CTNNA3: variants seen among roughly 807,000 people sequenced by gnomAD.
CTNNA3 encodes catenin alpha-3.
CTNNA3 carries 76 observed loss-of-function variants against 95.7 expected under a neutral mutation model. That is an observed-to-expected ratio of 0.79 (90% confidence interval 0.66 to 0.96). The LOEUF is 0.96. CTNNA3 is among the 40% of genes least tolerant of loss of function. CTNNA3 has a pLI of 0.00. For missense variants in CTNNA3, 1,191 were observed against 1,089.8 expected, an observed-to-expected ratio of 1.09 and a Z score of -1.31; for synonymous variants, 431 against 374.4, an observed-to-expected ratio of 1.15 and a Z score of -1.74.
In CTNNA3 at chr10:66,815,346, G is replaced by A. The variant is rs111462522; in HGVS notation, c.1048-39822C>T. Among the ~76,000 whole-genome samples, 464 of 151,978 alleles carry A rather than the reference G, an allele frequency of 3.1e-3. 2 individuals carry two copies. Among genetic ancestry groups the A allele is most frequent in the Non-Finnish European group, 5.4e-3 (367 of 67,960 alleles). On this transcript the variant is annotated intron_variant, in intron 7 of 17. Coordinates refer to ENST00000433211, the MANE Select transcript of CTNNA3 (RefSeq NM_013266.4). ...CTCCCTTCATCCCCAGTTCTGTGGCGGCCTTGAAAACAAACAATTCACTTC... is the reference window on the plus strand; with the variant it reads ...CTCCCTTCATCCCCAGTTCTGTGGCAGCCTTGAAAACAAACAATTCACTTC...
At position 67,500,734 on chromosome 10, in the gene CTNNA3, G is replaced by A. The variant is rs77183038; in HGVS notation, c.579+21108C>T. On this transcript the variant is annotated intron_variant, in intron 5 of 17. Coordinates refer to ENST00000433211, the MANE Select transcript of CTNNA3 (RefSeq NM_013266.4). ...TTGGTTTAAAGTCGGTTTTATCAGA[G>A]ACTAGGATTGCAAACCCTGCTTTTT... 0.031 allele frequency among the ~76,000 whole-genome samples: 4,755 copies of A among 152,260 alleles called. 415 individuals are homozygous for A. The East Asian group carries it at 0.34, about 11-fold the overall frequency.
chr10:65,991,999 G>T (rs1012777225), intron 15 of CTNNA3, among the ~76,000 whole-genome samples: 2 of 151,994 alleles, frequency 1.3e-5, no homozygotes, highest in Non-Finnish European at 2.9e-5. Context: ...TGAGCCTATT[G>T]AGATGATCAC....
At chr10:67,751,366 G>C (rs1841406283) in intron 1 of CTNNA3, 1 of 613,772 alleles carries the variant, frequency 1.6e-6, no homozygotes, top group South Asian at 1.7e-5. Flanking sequence ...CCAGAATCAA[G>C]GTGCTGTTTT....
At chr10:67,250,204 AG>A (rs999561687) in intron 5 of CTNNA3, among the ~76,000 whole-genome samples, 2 of 151,964 alleles carry the variant, frequency 1.3e-5, no homozygotes, top group Non-Finnish European at 2.9e-5. Context: ...ATGAAATCTA[AG>A]TATACAGAGG....
intron 5 of CTNNA3, among the ~76,000 whole-genome samples, chr10:67,394,293 T>C (rs1205381448): frequency 6.7e-6 from 1 of 149,228 alleles, no homozygotes; most frequent in Non-Finnish European, 1.5e-5. Context: ...AATAGAAGAA[T>C]GAATATCAAA....
intron 3 of CTNNA3, among the ~76,000 whole-genome samples, chr10:67,580,023 T>A (rs966824527): frequency 2.0e-5 from 3 of 152,232 alleles, no homozygotes; most frequent in Non-Finnish European, 4.4e-5. Flanking sequence ...ACTCTGATGG[T>A]AGTTTCTTCT....
chr10:66,382,236 G>T (rs116025507), intron 11 of CTNNA3, among the ~76,000 whole-genome samples: 1 of 152,106 alleles, frequency 6.6e-6, no homozygotes, highest in African/African-American at 2.4e-5. Flanking sequence ...CAAATACTGC[G>T]CTTTTCCCAA....
intron 15 of CTNNA3, among the ~76,000 whole-genome samples, chr10:66,048,097 C>T (rs2079868144): frequency 6.6e-6 from 1 of 151,936 alleles, no homozygotes; most frequent in Non-Finnish European, 1.5e-5. Flanking sequence ...CTACCAAGCA[C>T]ATTCTTCACA....
chr10:66,933,163 G>A (rs1402865062), intron 7 of CTNNA3, among the ~76,000 whole-genome samples: 1 of 152,196 alleles, frequency 6.6e-6, no homozygotes, highest in Non-Finnish European at 1.5e-5. Flanking sequence ...GAGCCAAAAA[G>A]AAATCAGTAA....
intron 10 of CTNNA3, among the ~76,000 whole-genome samples, chr10:66,551,807 T>C (rs890777126): frequency 6.6e-6 from 1 of 152,062 alleles, no homozygotes; most frequent in African/African-American, 2.4e-5. Context: ...TTTGATGTAC[T>C]GTTTTGGAGC....
At chr10:67,088,600 T>C (rs190159574) in intron 7 of CTNNA3, among the ~76,000 whole-genome samples, 95 of 152,172 alleles carry the variant, frequency 6.2e-4, no homozygotes, top group Non-Finnish European at 1.1e-3. Flanking sequence ...AGAATGTTTT[T>C]TCCTTACTCT....
chr10:66,202,149 G>C (rs2087466474), intron 13 of CTNNA3, among the ~76,000 whole-genome samples: 1 of 152,058 alleles, frequency 6.6e-6, no homozygotes, highest in Admixed American at 6.6e-5. Context: ...ACAAATCATT[G>C]TTTAACATTT....
intron 5 of CTNNA3, among the ~76,000 whole-genome samples, chr10:67,486,756 G>A (rs1240553734): frequency 6.6e-6 from 1 of 152,090 alleles, no homozygotes; most frequent in African/African-American, 2.4e-5. Flanking sequence ...TACATTTGTG[G>A]AAATAGATAA....
chr10:66,069,624 T>A, intron 14 of CTNNA3, 135 bp from the exon 15 acceptor site: 1 of 595,794 alleles, frequency 1.7e-6, no homozygotes, highest in Non-Finnish European at 2.8e-6. Context: ...ATTCATTCAA[T>A]TAAAACTTTC....
chr10:67,130,798 G>A (rs536333173), intron 7 of CTNNA3, among the ~76,000 whole-genome samples: 4 of 152,020 alleles, frequency 2.6e-5, no homozygotes, highest in Non-Finnish European at 5.9e-5. Flanking sequence ...ATGAGGACCT[G>A]GTAGACGATA....
At chr10:67,704,455 C>G (rs1409929538) in intron 1 of CTNNA3, among the ~76,000 whole-genome samples, 4 of 152,050 alleles carry the variant, frequency 2.6e-5, no homozygotes, top group Non-Finnish European at 2.9e-5. Context: ...CAGACCAGAG[C>G]CCTCAGAAAT....
chr10:66,546,172 G>A (rs1842029543), intron 10 of CTNNA3, among the ~76,000 whole-genome samples: 1 of 151,612 alleles, frequency 6.6e-6, no homozygotes, highest in South Asian at 2.1e-4. Context: ...CATATCCCAA[G>A]CTTATGAAGA....
chr10:66,146,587 ACT>A (rs1323821776), intron 13 of CTNNA3, among the ~76,000 whole-genome samples: 1 of 151,774 alleles, frequency 6.6e-6, no homozygotes, highest in African/African-American at 2.4e-5. Flanking sequence ...CCACAGTTTC[ACT>A]CTCGTAACTC....
intron 5 of CTNNA3, among the ~76,000 whole-genome samples, chr10:67,247,537 T>A (rs1337644768): frequency 6.6e-6 from 1 of 152,186 alleles, no homozygotes; most frequent in East Asian, 1.9e-4. Flanking sequence ...ACGTTCCATG[T>A]CATGGATTAG....
Sources: allele counts gnomAD v4.1 joint callset (sites outside exome capture counted in the v4.1 genomes callset), GRCh38; gene constraint gnomAD v4.1.1; transcripts MANE v1.5; gene names NCBI Gene and HGNC (gene_info 2026-07-23, HGNC 2026-07-21).